The following WSCD1 variants were observed in gnomAD, a reference collection of about 807,000 sequenced individuals.
WSCD1 encodes sialate:O-sulfotransferase 1.
WSCD1 carries 41 observed loss-of-function variants against 60.4 expected under a neutral mutation model. The ratio of observed to expected loss-of-function variants is 0.68; its 90% CI spans 0.53 to 0.88. WSCD1 has a LOEUF of 0.88. WSCD1 is among the 40% of genes least tolerant of loss of function. The pLI, the probability that WSCD1 is intolerant of heterozygous loss-of-function variation, is 0.00. For synonymous variants in WSCD1, 361 were observed against 332.5 expected (o/e 1.09, Z -0.93); for missense variants, 784 against 796.2 (o/e 0.98, Z 0.18).
chr17:6,110,872 A>G lies in WSCD1; in HGVS notation c.1111A>G (p.Ile371Val). The change falls in exon 7 of 9, where the codon ATT becomes GTT. Residue 371 changes from isoleucine (I) to valine (V), a missense_variant. Transcript: ENST00000317744. This position sits in a 1 kb window ranked among gnomAD's most constrained non-coding sequence, Gnocchi z 4.8. ...CGGGAACACATGGGCACGGCACCTC[A>G]TTGAGCATGCCACTGGCTTCTATAC... ...GAGNTWARHLIEHATGFYTGS... is the reference protein window; with the variant it reads ...GAGNTWARHLVEHATGFYTGS... The G allele has an allele frequency of 1.2e-6, 2 of 1,613,996 alleles. No individual in the cohort carries two copies. The highest frequency in any genetic ancestry group is 8.5e-7 in the Non-Finnish European group (1 of 1,179,900).
At chr17:6,091,973 G>A (rs982472883) in intron 4 of WSCD1, among the ~76,000 whole-genome samples, 6 of 152,092 alleles carry the variant, frequency 3.9e-5, no homozygotes, top group Non-Finnish European at 8.8e-5. Context: ...TGACCAACAT[G>A]GTGAAAACCC....
intron 1 of WSCD1, among the ~76,000 whole-genome samples, chr17:6,077,158 G>C (rs998905110): frequency 1.4e-5 from 2 of 145,876 alleles, no homozygotes; most frequent in Admixed American, 1.4e-4. Context: ...GTGTGATCTT[G>C]GCTCACTGCA....
upstream of WSCD1, chr17:6,070,310 G>C (rs929538360): frequency 8.4e-4 from 125 of 148,676 alleles, no homozygotes; most frequent in African/African-American, 2.9e-3. Context: ...GCGGCGGGAG[G>C]TGCGCACCGG....
rs956975368 is a variant in WSCD1 at position 6,103,444 on chromosome 17, A to T, written c.850-6163A>T. On this transcript the variant is annotated intron_variant, in intron 5 of 8. Coordinates refer to ENST00000317744, the MANE Select transcript of WSCD1 (RefSeq NM_015253.2). ...TTCTGAGTCACACTGTGTTTCACAG[A>T]CTCTTCTGTCTGAAGGATGTTTGTT... 2.6e-5 allele frequency among the ~76,000 whole-genome samples: 4 copies of T among 151,966 alleles called. No individual in the cohort carries two copies. The East Asian group carries it at 7.7e-4, about 29-fold the overall frequency.
chr17:6,070,359 G>C (rs1392340511), upstream of WSCD1: 1 of 147,524 alleles, frequency 6.8e-6, no homozygotes, highest in African/African-American at 2.4e-5. Context: ...GCTGTCCCCG[G>C]GCCGCGCGAG....
chr17:6,107,292 G>C (rs950496862), intron 5 of WSCD1, among the ~76,000 whole-genome samples: 2 of 152,140 alleles, frequency 1.3e-5, no homozygotes, highest in Non-Finnish European at 2.9e-5. Flanking sequence ...TCTGAGGTCA[G>C]GAGTTCAAGA....
At position 6,104,719 on chromosome 17, in the gene WSCD1, C is replaced by T. The variant is rs141274572; in HGVS notation, c.850-4888C>T. ...CTCTGGAGGCAAGAGACTGGCAGAG[C>T]TAACCTCCATATTGGTTTGCAGATT... On this transcript the variant is annotated intron_variant, in intron 5 of 8. Transcript: ENST00000317744. Among the ~76,000 whole-genome samples the T allele has an allele frequency of 2.5e-3, 383 of 152,326 alleles. 1 individual carries two copies. The highest frequency in any genetic ancestry group is 8.6e-3 in the African/African-American group (358 of 41,576).
intron 2 of WSCD1, 89 bp downstream of exon 2, chr17:6,081,174 T>C (rs1051099454): frequency 1.2e-5 from 16 of 1,386,660 alleles, no homozygotes; most frequent in Non-Finnish European, 1.5e-5. Flanking sequence ...TCTGCAGGCC[T>C]GTGGCCTTCA....
At position 6,081,031 on chromosome 17, in the gene WSCD1, C is replaced by T. The variant is rs1909230873; in HGVS notation, c.373C>T (p.Gln125Ter). 1 of 1,543,084 alleles carries T rather than the reference C, an allele frequency of 6.5e-7. No individual in the cohort carries two copies. Among genetic ancestry groups the T allele is most frequent in the Non-Finnish European group, 8.7e-7 (1 of 1,145,892 alleles). ...RWFHHFMSDS[Q>*]GPPALGPEAA... ...GTTCCACCACTTCATGAGTGACTCC[C>T]AGGGACCGCCCGCCCTGGGCCCCGA... The change falls in exon 2 of 9, where the codon CAG becomes TAG. Residue 125 changes from glutamine (Q) to a stop codon, truncating the protein, a stop_gained. Transcript: ENST00000317744. LOFTEE classifies it high-confidence loss of function.
chr17:6,097,868 G>A (rs1475675158), intron 5 of WSCD1, among the ~76,000 whole-genome samples: 1 of 152,052 alleles, frequency 6.6e-6, no homozygotes, highest in East Asian at 1.9e-4. Context: ...GTGTTGGGGG[G>A]CTCAAAGCAG....
rs115123829 is a variant in WSCD1, at chr17:6,105,205, G to C, written c.850-4402G>C. ...ACCTCAGCCCAGCCCAGCACTAGCC[G>C]TGCGTCCAGACCGACCCAGGCTCAG... is the stretch of plus-strand genomic sequence containing the variant. On this transcript the variant is annotated intron_variant, in intron 5 of 8. Transcript: ENST00000317744. Among the ~76,000 whole-genome samples the C allele has an allele frequency of 3.8e-3, 571 of 152,232 alleles. 2 individuals carry two copies. The highest frequency in any genetic ancestry group is 0.013 in the African/African-American group (545 of 41,542).
rs369377336 is a variant in WSCD1 at position 6,080,688 on chromosome 17, G to T, written c.30G>T (p.Lys10Asn). 8.1e-6 allele frequency: 13 copies of T among 1,613,518 alleles called. No homozygotes were observed. The highest frequency in any genetic ancestry group is 1.1e-5 in the Non-Finnish European group (13 of 1,179,914). The change falls in exon 2 of 9, where the codon AAG (lysine) becomes AAT (asparagine). Residue 10 changes from lysine (K) to asparagine (N), a missense_variant. Transcript: ENST00000317744. The surrounding 1 kb of genome is among the most constrained non-coding windows in gnomAD (Gnocchi z 6.6). MAKPFFRLQ[K>N]FLRRTQFLLF... ...CCAAACCTTTCTTCCGACTCCAGAA[G>T]TTTCTCCGCCGAACACAGTTCCTGC...
At chr17:6,070,362 C>A (rs887758074), upstream of WSCD1, 6 of 147,336 alleles carry the variant, frequency 4.1e-5, no homozygotes, top group South Asian at 1.8e-4. Flanking sequence ...GTCCCCGGGC[C>A]GCGCGAGTGA....
At position 6,109,750 on chromosome 17, in the gene WSCD1, C is replaced by T. The variant is rs145271508; in HGVS notation, c.993C>T (p.Tyr331=). The T allele has an allele frequency of 0.015, 23,479 of 1,613,416 alleles. 233 individuals carry two copies. The highest frequency in any genetic ancestry group is 0.015 in the Non-Finnish European group (18,050 of 1,179,474). ...AQRLAEYCEV[Y]QTPVQDTRCT... ...GGCTGGCAGAATACTGTGAGGTCTA[C>T]CAGACACCTGTGCAAGGTGGGTTCT... Residue 331 remains tyrosine, a synonymous_variant, in exon 6 of 9, where the codon TAC becomes TAT. Coordinates refer to ENST00000317744, the MANE Select transcript of WSCD1 (RefSeq NM_015253.2).
chr17:6,113,543 C>A (rs1911524340), intron 7 of WSCD1, among the ~76,000 whole-genome samples: 1 of 152,092 alleles, frequency 6.6e-6, no homozygotes, highest in Non-Finnish European at 1.5e-5. Flanking sequence ...AGGAAACAAT[C>A]AACAGAGTGA....
intron 5 of WSCD1, among the ~76,000 whole-genome samples, chr17:6,098,522 C>T (rs1041052231): frequency 4.6e-5 from 7 of 152,126 alleles, no homozygotes; most frequent in African/African-American, 1.7e-4. Flanking sequence ...CCGGAGCAGT[C>T]GTGAATTGTT....
In WSCD1 at chr17:6,110,975, G is replaced by A. The variant is rs762713194; in HGVS notation, c.1174+40G>A. 17 of 1,553,972 alleles carry A rather than the reference G, an allele frequency of 1.1e-5. No individual in the cohort carries two copies. Among genetic ancestry groups the A allele is most frequent in the East Asian group, 2.3e-5 (1 of 43,910 alleles). On this transcript the variant is annotated intron_variant, in intron 7 of 8. Coordinates refer to ENST00000317744, the MANE Select transcript of WSCD1 (RefSeq NM_015253.2). The surrounding 1 kb of genome is among the most constrained non-coding windows in gnomAD (Gnocchi z 4.8). ...CAGGGGACGATGGAAGGCAGCTCCCGGTGACCAAACTGTCACCTTGCCAGC... is the reference window on the plus strand; with the variant it reads ...CAGGGGACGATGGAAGGCAGCTCCCAGTGACCAAACTGTCACCTTGCCAGC...
chr17:6,106,062 C>T (rs1386517793), intron 5 of WSCD1, among the ~76,000 whole-genome samples: 1 of 152,162 alleles, frequency 6.6e-6, no homozygotes, highest in Non-Finnish European at 1.5e-5. Flanking sequence ...CTTCATTCAT[C>T]AAACATTTAT....
intron 2 of WSCD1, among the ~76,000 whole-genome samples, chr17:6,082,131 T>C (rs968823323): frequency 1.3e-5 from 2 of 152,224 alleles, no homozygotes; most frequent in Non-Finnish European, 2.9e-5. Context: ...ATTATTATTA[T>C]ATCGCAGTTT....
Sources: allele counts gnomAD v4.1 joint callset (sites outside exome capture counted in the v4.1 genomes callset), GRCh38; gene constraint gnomAD v4.1.1; non-coding constraint Gnocchi (gnomAD v3.1); transcripts MANE v1.5; gene names NCBI Gene and HGNC (gene_info 2026-07-23, HGNC 2026-07-21).